Variants in OPCML observed in about 807,000 individuals in gnomAD.
OPCML encodes opioid-binding protein/cell adhesion molecule.
A neutral mutation model predicts 37.8 loss-of-function variants in OPCML; 13 were observed. The observed-to-expected ratio is 0.34, with a 90% CI of 0.22 to 0.55. The LOEUF (loss-of-function observed/expected upper bound fraction) is 0.55, where lower values mean the gene tolerates loss of function less well. Ranked by LOEUF, OPCML falls within the 20% of genes least tolerant of loss-of-function variation. The pLI is 0.91. For missense variants in OPCML, 341 were observed against 435.6 expected (o/e 0.78, Z 1.93); for synonymous variants, 176 against 168.8 (o/e 1.04, Z -0.33).
intron 3 of OPCML, among the ~76,000 whole-genome samples, chr11:132,595,220 G>T (rs2096490635): frequency 6.6e-6 from 1 of 152,036 alleles, no homozygotes; most frequent in African/African-American, 2.4e-5. Flanking sequence ...GGGAGGTAGG[G>T]AAAAGGCATA....
At chr11:132,529,301 A>G in intron 3 of OPCML, 115 bp from the exon 4 acceptor site, 1 of 1,316,228 alleles carries the variant, frequency 7.6e-7, no homozygotes, top group Non-Finnish European at 1.0e-6. Flanking sequence ...TGTTTGCAGT[A>G]ATAAATTTCA....
At chr11:133,225,639 A>G (rs1049652930) in intron 1 of OPCML, among the ~76,000 whole-genome samples, 3 of 152,190 alleles carry the variant, frequency 2.0e-5, no homozygotes, top group African/African-American at 7.2e-5. Context: ...CTGTGTCTGC[A>G]TACACAAAAC....
At position 132,914,125 on chromosome 11, in the gene OPCML, CT is replaced by C. The variant is rs578055167; in HGVS notation, c.146+28800del. Among the ~76,000 whole-genome samples, 431 of 152,318 alleles carry C rather than the reference CT, an allele frequency of 2.8e-3. 4 individuals are homozygous for C. The highest frequency in any genetic ancestry group is 5.2e-3 in the South Asian group (25 of 4,824). On this transcript the variant is annotated intron_variant, in intron 2 of 7. Transcript: ENST00000524381. ...CTGCGAGGAGGTAAGAGGGACACCC[CT>C]GGCAATGTGCTGACACACATTCCCT...
At chr11:132,490,676 G>A (rs920490368) in intron 4 of OPCML, among the ~76,000 whole-genome samples, 3 of 152,040 alleles carry the variant, frequency 2.0e-5, no homozygotes, top group East Asian at 2.0e-4. Context: ...AAAATTAGCC[G>A]GGTGTGGTGG....
Position 132,415,484 on chromosome 11 carries a change from T to C in OPCML, c.*4709A>G, listed in dbSNP as rs148989825. On this transcript the variant is annotated 3_prime_UTR_variant, in exon 8 of 8. Transcript: ENST00000524381. ...CAAGGGCAGCTTGCAGTACATAGCA[T>C]TGTTATTACTGATAGCTTTATAAAT... The C allele has an allele frequency of 6.6e-6, 1 of 152,346 alleles. No individual in the cohort carries two copies. Among genetic ancestry groups the C allele is most frequent in the African/African-American group, 2.4e-5 (1 of 41,580 alleles). 9.4% of individuals were successfully genotyped at this position (152,346 alleles called of 1,614,324 possible). A position where few individuals can be genotyped will look rare whatever the true frequency, so the allele number is the denominator to read the frequency against.
At chr11:132,834,037 A>T (rs1940866440) in intron 2 of OPCML, among the ~76,000 whole-genome samples, 2 of 152,224 alleles carry the variant, frequency 1.3e-5, no homozygotes, top group Admixed American at 1.3e-4. Context: ...TTGAGTAAAG[A>T]TTATGAGACT....
At position 133,005,035 on chromosome 11, in the gene OPCML, C is replaced by T. The variant is rs577080289; in HGVS notation, c.62-62025G>A. Reference sequence around the variant, plus strand: ...CTCCTTTCTCAGCATTGGTGGCAGCCGTGAGAGCCTGGGAAGCTTTCATGA... The same window carrying T: ...CTCCTTTCTCAGCATTGGTGGCAGCTGTGAGAGCCTGGGAAGCTTTCATGA... On this transcript the variant is annotated intron_variant, in intron 1 of 7. Transcript: ENST00000524381. 120 of 985,324 alleles carry T rather than the reference C, an allele frequency of 1.2e-4. 1 individual carries two copies. In the South Asian group the frequency reaches 5.1e-3, roughly 42 times the overall value. 61.0% of individuals were successfully genotyped at this position (985,324 alleles called of 1,614,324 possible). A position where few individuals can be genotyped will look rare whatever the true frequency, so the allele number is the denominator to read the frequency against.
chr11:132,597,376 T>A (rs895399805), intron 3 of OPCML, among the ~76,000 whole-genome samples: 1 of 152,238 alleles, frequency 6.6e-6, no homozygotes, highest in East Asian at 1.9e-4. Flanking sequence ...TTAACTTGTC[T>A]CTAAAGGCTT....
chr11:132,814,919 C>T (rs1425911359), intron 2 of OPCML, among the ~76,000 whole-genome samples: 1 of 152,076 alleles, frequency 6.6e-6, no homozygotes, highest in African/African-American at 2.4e-5. Context: ...CACACAGTCA[C>T]TCATAAGTGT....
At chr11:132,903,885 G>A (rs1039893647) in intron 2 of OPCML, among the ~76,000 whole-genome samples, 3 of 152,168 alleles carry the variant, frequency 2.0e-5, no homozygotes, top group Admixed American at 1.3e-4. Flanking sequence ...CATTGGTAAT[G>A]GTTGACGAAA....
intron 1 of OPCML, among the ~76,000 whole-genome samples, chr11:133,514,518 C>T (rs778885906): frequency 7.2e-5 from 11 of 152,182 alleles, no homozygotes; most frequent in Non-Finnish European, 1.3e-4. Context: ...ATACAGGGTA[C>T]TCTGAATGTC....
At chr11:132,656,962 A>C (rs899529164) in intron 3 of OPCML, 125 bp downstream of exon 3, 15 of 1,468,140 alleles carry the variant, frequency 1.0e-5, no homozygotes, top group Non-Finnish European at 1.4e-5. Context: ...ACATATAGTC[A>C]AACTCTGAAT....
chr11:133,338,524 T>C lies in OPCML; in HGVS notation c.61+193740A>G, dbSNP rs117635959. Among the ~76,000 whole-genome samples the C allele has an allele frequency of 4.5e-3, 690 of 152,330 alleles. 25 individuals are homozygous for C. The East Asian group carries it at 0.058, about 13-fold the overall frequency. ...CTATAAAGAGGGCCAACAGCGAAAC[T>C]GCCCACCACTGGCCCTTCCGGCCAG... is the stretch of plus-strand genomic sequence containing the variant. On this transcript the variant is annotated intron_variant, in intron 1 of 7. Transcript: ENST00000524381.
At chr11:132,821,569 A>G (rs1939987988) in intron 2 of OPCML, among the ~76,000 whole-genome samples, 1 of 152,232 alleles carries the variant, frequency 6.6e-6, no homozygotes. Flanking sequence ...TTAAAAATGC[A>G]TTTAAGCTGT....
chr11:132,836,813 A>T (rs916967666), intron 2 of OPCML, among the ~76,000 whole-genome samples: 4 of 152,172 alleles, frequency 2.6e-5, no homozygotes, highest in Admixed American at 1.3e-4. Flanking sequence ...CACGGAAAAG[A>T]GCAGGGGGTG....
intron 1 of OPCML, among the ~76,000 whole-genome samples, chr11:133,030,778 C>T (rs1433315934): frequency 6.6e-6 from 1 of 152,106 alleles, no homozygotes. Flanking sequence ...AAAAAGCCAT[C>T]CAGGAAAGTC....
At chr11:132,481,606 CA>C (rs2096180724) in intron 4 of OPCML, among the ~76,000 whole-genome samples, 1 of 151,456 alleles carries the variant, frequency 6.6e-6, no homozygotes, top group Admixed American at 6.6e-5. Context: ...CCCAAATCAA[CA>C]GAATATACAT....
At chr11:132,488,579 G>A (rs2096207024) in intron 4 of OPCML, among the ~76,000 whole-genome samples, 1 of 152,254 alleles carries the variant, frequency 6.6e-6, no homozygotes, top group Non-Finnish European at 1.5e-5. Context: ...CTGGGAGTCA[G>A]TGAGTGAGTG....
At chr11:132,581,960 C>T (rs1247783761) in intron 3 of OPCML, among the ~76,000 whole-genome samples, 2 of 152,040 alleles carry the variant, frequency 1.3e-5, no homozygotes, top group Non-Finnish European at 2.9e-5. Context: ...GAGTTGTAAA[C>T]AGTCAACCCA....
Sources: allele counts gnomAD v4.1 joint callset (sites outside exome capture counted in the v4.1 genomes callset), GRCh38; gene constraint gnomAD v4.1.1; transcripts MANE v1.5; gene names NCBI Gene and HGNC (gene_info 2026-07-23, HGNC 2026-07-21).